The following TEX9 variants were observed in gnomAD, a reference collection of about 807,000 sequenced individuals.
The protein encoded by TEX9 is testis-expressed protein 9.
In TEX9, 74 loss-of-function variants were observed where a neutral mutation model predicts 59.6. That is an observed-to-expected ratio of 1.24 (90% confidence interval 1.03 to 1.51). The LOEUF is 1.51. Ranked by LOEUF, TEX9 falls within the 40% of genes most tolerant of loss-of-function variation. The pLI is 0.00. For missense variants in TEX9, 522 were observed against 447.8 expected (o/e 1.17, Z -1.49); for synonymous variants, 186 against 152.2 (o/e 1.22, Z -1.64).
intron 1 of TEX9, among the ~76,000 whole-genome samples, chr15:56,350,321 GT>G (rs2046553252): frequency 6.6e-6 from 1 of 152,192 alleles, no homozygotes; most frequent in Non-Finnish European, 1.5e-5. Context: ...AAGGGCACAT[GT>G]CCCACATAAC....
intron 10 of TEX9, 39 bp downstream of exon 10, chr15:56,412,475 T>G (rs769050519): frequency 4.5e-6 from 7 of 1,562,822 alleles, no homozygotes; most frequent in Non-Finnish European, 6.0e-6. Context: ...TGATCCCTTT[T>G]GGTAACTACT....
At chr15:56,283,508 G>A (rs1054863151) in intron 1 of TEX9, among the ~76,000 whole-genome samples, 1 of 152,030 alleles carries the variant, frequency 6.6e-6, no homozygotes, top group South Asian at 2.1e-4. Flanking sequence ...CAATGGAAAA[G>A]GACAGAGTTA....
intron 1 of TEX9, among the ~76,000 whole-genome samples, chr15:56,284,889 G>C (rs1308636766): frequency 6.6e-6 from 1 of 151,976 alleles, no homozygotes; most frequent in African/African-American, 2.4e-5. Flanking sequence ...TAATTTTACT[G>C]TGGCAAGAGA....
chr15:56,309,057 A>G (rs1352762375), intron 1 of TEX9, among the ~76,000 whole-genome samples: 4 of 152,170 alleles, frequency 2.6e-5, no homozygotes, highest in African/African-American at 9.7e-5. Context: ...GAATTTTATG[A>G]TAAGCTTATC....
intron 1 of TEX9, among the ~76,000 whole-genome samples, chr15:56,297,861 G>A (rs1443794806): frequency 1.3e-5 from 2 of 152,184 alleles, no homozygotes; most frequent in African/African-American, 4.8e-5. Flanking sequence ...CTTCTCCAGC[G>A]AGACTGTACT....
chr15:56,296,115 A>G (rs2045211879), intron 1 of TEX9, among the ~76,000 whole-genome samples: 1 of 152,206 alleles, frequency 6.6e-6, no homozygotes, highest in Admixed American at 6.5e-5. Context: ...GTTCCATCTT[A>G]AATTCAAGTC....
chr15:56,339,398 A>AC (rs1567091374), intron 1 of TEX9, among the ~76,000 whole-genome samples: 5 of 64,054 alleles, frequency 7.8e-5, no homozygotes, highest in Admixed American at 1.6e-4. Context: ...AAAAAAAAAA[A>AC]AAAAAAAAAA....
chr15:56,264,353 C>A lies in TEX9; in HGVS notation c.-107+20075C>A, dbSNP rs1012317890. The stretch of plus-strand genomic sequence containing the variant: ...ACTAATGTAGAACACCTTTTTATGT[C>A]CCTATATGTCATCCACATGCCTTAT... On this transcript the variant is annotated intron_variant, in intron 1 of 5. Coordinates refer to the TEX9 transcript ENST00000560827. 2.6e-5 allele frequency among the ~76,000 whole-genome samples: 4 copies of A among 152,130 alleles called. No individual in the cohort carries two copies. The East Asian group carries it at 7.7e-4, about 29-fold the overall frequency.
intron 1 of TEX9, among the ~76,000 whole-genome samples, chr15:56,246,081 GT>G (rs1253721143): frequency 3.9e-5 from 6 of 152,140 alleles, no homozygotes; most frequent in Non-Finnish European, 8.8e-5. Context: ...GAACCAAGAC[GT>G]TTTATAAAAA....
chr15:56,432,486 C>G (rs2140322707), intron 12 of TEX9, among the ~76,000 whole-genome samples: 1 of 152,266 alleles, frequency 6.6e-6, no homozygotes, highest in Non-Finnish European at 1.5e-5. Context: ...TAATGAGTTT[C>G]ATCACGAAGA....
the TEX9 span, chr15:56,456,428 C>T: frequency 1.2e-6 from 2 of 1,611,448 alleles, no homozygotes; most frequent in East Asian, 2.2e-5. Context: ...ATCTTTTCGT[C>T]CTTTAGACTT....
intron 9 of TEX9, chr15:56,396,346 A>G (rs1251743451): frequency 3.9e-5 from 6 of 152,150 alleles, no homozygotes; most frequent in Non-Finnish European, 7.4e-5. Flanking sequence ...TTTTTAGTGT[A>G]CAATTCTATG....
chr15:56,456,484 T>C, the TEX9 span: 6 of 1,612,388 alleles, frequency 3.7e-6, no homozygotes, highest in Admixed American at 8.4e-5. Flanking sequence ...TTCTTCTTGT[T>C]TGAGCTGGAG....
chr15:56,420,258 T>A (rs568114876), intron 10 of TEX9, among the ~76,000 whole-genome samples: 1 of 151,716 alleles, frequency 6.6e-6, no homozygotes, highest in African/African-American at 2.4e-5. Context: ...GCTCTTCTAT[T>A]TCTTTCCCTC....
intron 1 of TEX9, among the ~76,000 whole-genome samples, chr15:56,272,235 G>A (rs1169391783): frequency 3.9e-5 from 6 of 151,904 alleles, no homozygotes; most frequent in South Asian, 4.2e-4. Context: ...CATTTCCATC[G>A]CCCCAAGAAG....
chr15:56,285,018 CTTTA>C (rs1426602292), intron 1 of TEX9, among the ~76,000 whole-genome samples: 67 of 152,214 alleles, frequency 4.4e-4, no homozygotes, highest in African/African-American at 1.4e-3. Context: ...TATATTATAA[CTTTA>C]TTTATCTAAG....
chr15:56,389,583 C>A (rs1254098327), intron 6 of TEX9, among the ~76,000 whole-genome samples, 183 bp downstream of exon 6: 3 of 151,858 alleles, frequency 2.0e-5, no homozygotes, highest in Admixed American at 1.3e-4. Context: ...GAATGTTTTG[C>A]AGCAGTTAAC....
chr15:56,299,442 G>A (rs2045290496), intron 1 of TEX9, among the ~76,000 whole-genome samples: 1 of 152,164 alleles, frequency 6.6e-6, no homozygotes, highest in African/African-American at 2.4e-5. Flanking sequence ...AAATAACCTT[G>A]AAAAGCAGTC....
chr15:56,360,031 CATTG>C (rs1440105096), intron 1 of TEX9, among the ~76,000 whole-genome samples: 1 of 152,052 alleles, frequency 6.6e-6, no homozygotes, highest in Non-Finnish European at 1.5e-5. Context: ...GTGCTGAATT[CATTG>C]ATTGATTTTA....
Sources: gnomAD v4.1 joint callset for allele counts (sites outside exome capture counted in the v4.1 genomes callset) on GRCh38, gnomAD v4.1.1 for gene constraint, MANE v1.5 for transcripts, NCBI Gene and HGNC (gene_info 2026-07-23, HGNC 2026-07-21) for gene names.